Variants in NINL observed in about 807,000 individuals in gnomAD.
NINL encodes the protein ninein like, also known as ninein-like protein.
A neutral mutation model predicts 160.3 loss-of-function variants in NINL; 153 were observed. That is an observed-to-expected ratio of 0.95 (90% CI 0.84 to 1.09). NINL has a LOEUF of 1.09. Among genes scored for constraint, NINL ranks in the 50% least tolerant of loss-of-function variants. The pLI is 0.00. For missense variants in NINL, 1,829 were observed against 1,764.0 expected (o/e 1.04, Z -0.66); for synonymous variants, 800 against 734.8 (o/e 1.09, Z -1.43).
chr20:25,512,705 G>A (rs1165889357), intron 4 of NINL, 129 bp downstream of exon 4: 17 of 1,202,018 alleles, frequency 1.4e-5, no homozygotes, highest in Middle Eastern at 3.0e-4. Context: ...AGCTTCTGGC[G>A]ACTCAGGGTG....
At chr20:25,576,632 A>AGT (rs78717179) in intron 1 of NINL, among the ~76,000 whole-genome samples, 6 of 150,084 alleles carry the variant, frequency 4.0e-5, no homozygotes, top group African/African-American at 1.2e-4. Context: ...CTAATTTTTC[A>AGT]TTTTTTTTTG....
Position 25,476,173 on chromosome 20 carries a change from C to T in NINL, c.3118G>A (p.Ala1040Thr). 1 of 1,614,214 alleles carries T rather than the reference C, an allele frequency of 6.2e-7. No homozygotes were observed. The highest frequency in any genetic ancestry group is 8.5e-7 in the Non-Finnish European group (1 of 1,180,036). Reference protein sequence around the residue: ...DPQGSWQEQLAAPEEGETKIA... With the variant: ...DPQGSWQEQLTAPEEGETKIA... ...TTGGTCTCCCCCTCTTCTGGGGCAG[C>T]AAGCTGCTCCTGCCAGGAACCCTGC... Residue 1040 changes from alanine to threonine, a missense_variant, in exon 17 of 24, where the codon GCT (alanine) becomes ACT (threonine). By Grantham distance (58) the Ala-to-Thr change is moderately conservative. Transcript: ENST00000278886.
intron 4 of NINL, among the ~76,000 whole-genome samples, chr20:25,511,842 A>G (rs1181754858): frequency 6.6e-6 from 1 of 152,230 alleles, no homozygotes; most frequent in Non-Finnish European, 1.5e-5. Context: ...CTTTGTCTCC[A>G]CAAATGTTGA....
At chr20:25,551,208 G>A (rs919241927) in intron 1 of NINL, among the ~76,000 whole-genome samples, 27 of 152,158 alleles carry the variant, frequency 1.8e-4, no homozygotes, top group Admixed American at 1.4e-3. Context: ...TGAGGCTAGG[G>A]TTACAGATTA....
intron 1 of NINL, among the ~76,000 whole-genome samples, chr20:25,532,018 C>A (rs1451889105): frequency 6.6e-6 from 1 of 152,214 alleles, no homozygotes; most frequent in East Asian, 1.9e-4. Context: ...TAACTGGGGC[C>A]TGCAGAGCCC....
intron 13 of NINL, among the ~76,000 whole-genome samples, chr20:25,483,335 C>CAAAA (rs11477331): frequency 7.1e-6 from 1 of 140,726 alleles, no homozygotes; most frequent in Non-Finnish European, 1.6e-5. Flanking sequence ...TCTGTCTCAA[C>CAAAA]AAAAAAAAAA....
chr20:25,468,318 C>A (rs1202512132), intron 18 of NINL, among the ~76,000 whole-genome samples: 2 of 150,818 alleles, frequency 1.3e-5, no homozygotes, highest in African/African-American at 2.4e-5. Flanking sequence ...GGTGGCCCCC[C>A]GTCTGGTCCC....
chr20:25,489,707 G>A (rs2063580784), intron 12 of NINL, among the ~76,000 whole-genome samples, 168 bp downstream of exon 12: 1 of 152,104 alleles, frequency 6.6e-6, no homozygotes, highest in African/African-American at 2.4e-5. Context: ...ACATTGTCAT[G>A]CAGAGGAAGC....
At chr20:25,543,638 C>T (rs1000252012) in intron 1 of NINL, among the ~76,000 whole-genome samples, 6 of 152,186 alleles carry the variant, frequency 3.9e-5, no homozygotes, top group Admixed American at 1.3e-4. Context: ...ATTGGCTGTC[C>T]GCAACCAATC....
At chr20:25,462,670 T>A (rs1275126033) in intron 19 of NINL, 129 bp from the exon 20 acceptor site, 1 of 890,436 alleles carries the variant, frequency 1.1e-6, no homozygotes, top group Non-Finnish European at 1.7e-6. Context: ...TGTTTTGTTT[T>A]TCAAGACAGG....
In NINL at chr20:25,476,663, C is replaced by G. The variant is rs749517012; in HGVS notation, c.2628G>C (p.Gly876=). The change falls in exon 17 of 24, where the codon GGG becomes GGC. Residue 876 remains glycine, a synonymous_variant. Coordinates refer to ENST00000278886, the MANE Select transcript of NINL (RefSeq NM_025176.6). ...TGTCCTGGGCTTGCCTGCGGCGAGG[C>G]CCGGCTCCTGCCGCCTCCTCAGACT... is the stretch of plus-strand genomic sequence containing the variant. The part of the protein sequence containing the change: ...GRESEEAAGA[G]PRRRQAQDTE... The G allele has an allele frequency of 1.3e-6, 2 of 1,587,568 alleles. No homozygotes were observed. The highest frequency in any genetic ancestry group is 1.7e-5 in the Admixed American group (1 of 58,312).
At chr20:25,472,075 G>C (rs2063107341) in intron 17 of NINL, among the ~76,000 whole-genome samples, 1 of 152,024 alleles carries the variant, frequency 6.6e-6, no homozygotes, top group African/African-American at 2.4e-5. Context: ...ACAATGATCA[G>C]ACAGGACCAA....
intron 20 of NINL, among the ~76,000 whole-genome samples, chr20:25,461,985 G>A (rs1272933767): frequency 6.6e-6 from 1 of 152,188 alleles, no homozygotes; most frequent in Non-Finnish European, 1.5e-5. Context: ...TGGTGACTCG[G>A]CCGATTTCAG....
At chr20:25,462,862 C>T in intron 19 of NINL, 1 of 235,062 alleles carries the variant, frequency 4.3e-6, no homozygotes, top group Non-Finnish European at 8.3e-6. Context: ...GCTGTGTTGC[C>T]AAAGCTGGTC....
Position 25,498,202 on chromosome 20 carries a change from C to A in NINL, c.1169+8G>T, listed in dbSNP as rs576756401. ...TGCCACGTTCCCCAGTCCCCTGTGG[C>A]CTCTTACTGCTGGTAGCTCAGCTCC... On this transcript the variant is annotated splice_region_variant and intron_variant, in intron 9 of 23. Coordinates refer to ENST00000278886, the MANE Select transcript of NINL (RefSeq NM_025176.6). The A allele has an allele frequency of 1.9e-6, 3 of 1,612,172 alleles. No homozygotes were observed. The Admixed American group carries it at 5.0e-5, about 27-fold the overall frequency.
chr20:25,537,842 C>T (rs993982228), intron 1 of NINL, among the ~76,000 whole-genome samples: 4 of 152,188 alleles, frequency 2.6e-5, no homozygotes, highest in African/African-American at 7.2e-5. Flanking sequence ...CCACCATTAA[C>T]GGGGCTCCTG....
At chr20:25,564,708 C>CTGGA (rs2064981533) in intron 1 of NINL, among the ~76,000 whole-genome samples, 1 of 152,000 alleles carries the variant, frequency 6.6e-6, no homozygotes, top group East Asian at 1.9e-4. Context: ...CTGCCTCAGC[C>CTGGA]TCCCAAAGTG....
chr20:25,489,772 G>A (rs895445960), intron 12 of NINL, 103 bp downstream of exon 12: 40 of 856,398 alleles, frequency 4.7e-5, no homozygotes, highest in East Asian at 9.8e-5. Flanking sequence ...GGAGAATACC[G>A]CATTCTGTGA....
intron 1 of NINL, among the ~76,000 whole-genome samples, chr20:25,569,842 C>T (rs890613707): frequency 6.6e-6 from 1 of 152,188 alleles, no homozygotes. Context: ...CAAGGAACCA[C>T]CCAGAGCTTT....
Sources: gnomAD v4.1 joint callset for allele counts (sites outside exome capture counted in the v4.1 genomes callset) on GRCh38, gnomAD v4.1.1 for gene constraint, MANE v1.5 for transcripts, NCBI Gene and HGNC (gene_info 2026-07-23, HGNC 2026-07-21) for gene names.